ARHGAP15: variants seen among roughly 807,000 people sequenced by gnomAD.
ARHGAP15 encodes the protein rho GTPase-activating protein 15.
A neutral mutation model predicts 63.7 loss-of-function variants in ARHGAP15; 51 were observed. The observed-to-expected ratio is 0.80, with a 90% CI of 0.64 to 1.01. ARHGAP15 has a LOEUF of 1.01. ARHGAP15 is among the 50% of genes least tolerant of loss of function. The pLI is 0.00. For missense variants in ARHGAP15, 560 were observed against 564.6 expected (o/e 0.99, Z 0.08); for synonymous variants, 191 against 193.8 (o/e 0.99, Z 0.12).
At chr2:143,212,201 C>G (rs1370478740) in intron 3 of ARHGAP15, among the ~76,000 whole-genome samples, 1 of 152,138 alleles carries the variant, frequency 6.6e-6, no homozygotes, top group African/African-American at 2.4e-5. Flanking sequence ...ATGATTGTTA[C>G]CATTAATCAA....
At chr2:143,576,358 T>G (rs1222252110) in intron 11 of ARHGAP15, among the ~76,000 whole-genome samples, 1 of 152,140 alleles carries the variant, frequency 6.6e-6, no homozygotes, top group Non-Finnish European at 1.5e-5. Flanking sequence ...GATGGTTGTG[T>G]TAAGAAGGAT....
intron 6 of ARHGAP15, among the ~76,000 whole-genome samples, chr2:143,379,796 TA>T (rs1686985404): frequency 6.6e-6 from 1 of 151,964 alleles, no homozygotes; most frequent in Non-Finnish European, 1.5e-5. Context: ...AAATAATGAC[TA>T]TTTTTTTCAA....
intron 8 of ARHGAP15, among the ~76,000 whole-genome samples, chr2:143,459,508 T>G (rs1690825380): frequency 6.6e-6 from 1 of 152,174 alleles, no homozygotes; most frequent in Non-Finnish European, 1.5e-5. Context: ...ATCATAATCA[T>G]GTAGATATAA....
In ARHGAP15 at chr2:143,330,138, AC is replaced by A. The variant is rs1416852435; in HGVS notation, c.474+79539del. On this transcript the variant is annotated intron_variant, in intron 6 of 13. Coordinates refer to ENST00000295095, the MANE Select transcript of ARHGAP15 (RefSeq NM_018460.4). Reference sequence around the variant, plus strand: ...AAAAAAAAAAAAAAAAAAACCAAAAACAAAAAACTAAACTAATGATTAATAA... The same window carrying A: ...AAAAAAAAAAAAAAAAAAACCAAAAAAAAAAACTAAACTAATGATTAATAA... 2.1e-3 allele frequency among the ~76,000 whole-genome samples: 283 copies of A among 133,008 alleles called. 26 individuals carry two copies. Among genetic ancestry groups the A allele is most frequent in the Non-Finnish European group, 3.3e-3 (202 of 61,090 alleles). 87.3% of individuals were successfully genotyped at this position (133,008 alleles called of 152,430 possible).
chr2:143,394,815 G>GAGTTTTC (rs1193356488), intron 6 of ARHGAP15, among the ~76,000 whole-genome samples: 1 of 152,104 alleles, frequency 6.6e-6, no homozygotes, highest in African/African-American at 2.4e-5. Flanking sequence ...ATGATAAAAT[G>GAGTTTTC]AGTTTTCAGA....
At chr2:143,540,275 T>C (rs9798109) in intron 10 of ARHGAP15, among the ~76,000 whole-genome samples, 50,858 of 152,092 alleles carry the variant, frequency 0.33, 8,737 homozygotes, top group East Asian at 0.42. Context: ...TATATGTGTG[T>C]CTGCACGTGA....
intron 13 of ARHGAP15, among the ~76,000 whole-genome samples, chr2:143,716,037 G>A (rs929513634): frequency 6.6e-6 from 1 of 152,118 alleles, no homozygotes; most frequent in African/African-American, 2.4e-5. Context: ...TGGGAGGAAG[G>A]AGAGCATCAG....
chr2:143,352,896 TA>T (rs1245002729), intron 6 of ARHGAP15, among the ~76,000 whole-genome samples: 1 of 152,186 alleles, frequency 6.6e-6, no homozygotes, highest in East Asian at 1.9e-4. Context: ...AAATCTTTCT[TA>T]AAAAGTGTAC....
chr2:143,563,093 T>G (rs1475595303), intron 11 of ARHGAP15, among the ~76,000 whole-genome samples: 1 of 152,232 alleles, frequency 6.6e-6, no homozygotes, highest in African/African-American at 2.4e-5. Flanking sequence ...AGGATCGACC[T>G]CTTTATCTTG....
chr2:143,475,279 G>A (rs1691759072), intron 8 of ARHGAP15, among the ~76,000 whole-genome samples: 1 of 152,196 alleles, frequency 6.6e-6, no homozygotes, highest in Non-Finnish European at 1.5e-5. Flanking sequence ...CATTTGTGAG[G>A]ACAAACCACC....
intron 2 of ARHGAP15, 105 bp from the exon 3 acceptor site, chr2:143,202,029 A>T: frequency 1.2e-6 from 1 of 857,326 alleles, no homozygotes; most frequent in Non-Finnish European, 2.0e-6. Context: ...ATATCTACTT[A>T]ATTCACATGC....
chr2:143,636,071 C>T (rs1275945274), intron 12 of ARHGAP15, among the ~76,000 whole-genome samples: 3 of 152,106 alleles, frequency 2.0e-5, no homozygotes, highest in South Asian at 2.1e-4. Flanking sequence ...TGGCCCCTTT[C>T]CTTTTTCTTC....
At chr2:143,151,712 G>GA (rs1689829289) in intron 1 of ARHGAP15, among the ~76,000 whole-genome samples, 1 of 152,068 alleles carries the variant, frequency 6.6e-6, no homozygotes, top group East Asian at 1.9e-4. Flanking sequence ...GTCTACTAGA[G>GA]AAAAAACTGT....
intron 2 of ARHGAP15, among the ~76,000 whole-genome samples, chr2:143,164,940 A>G (rs896254819): frequency 6.6e-6 from 1 of 152,078 alleles, no homozygotes; most frequent in Non-Finnish European, 1.5e-5. Flanking sequence ...TTTGGAAATT[A>G]TAAAACAAAA....
At chr2:143,722,581 C>A (rs990409994) in intron 13 of ARHGAP15, among the ~76,000 whole-genome samples, 1 of 152,160 alleles carries the variant, frequency 6.6e-6, no homozygotes, top group Non-Finnish European at 1.5e-5. Flanking sequence ...CTTTGCAGTG[C>A]TACTAATGTA....
At chr2:143,460,002 G>C (rs1285158111) in intron 8 of ARHGAP15, among the ~76,000 whole-genome samples, 2 of 152,048 alleles carry the variant, frequency 1.3e-5, no homozygotes, top group Non-Finnish European at 2.9e-5. Flanking sequence ...CATAAAGTAA[G>C]GGCTCATTAA....
chr2:143,284,883 A>G (rs1407146908), intron 6 of ARHGAP15, among the ~76,000 whole-genome samples: 6 of 152,234 alleles, frequency 3.9e-5, no homozygotes, highest in African/African-American at 1.4e-4. Flanking sequence ...ATTTCAATGA[A>G]TATACAATAT....
intron 6 of ARHGAP15, among the ~76,000 whole-genome samples, chr2:143,307,164 G>A (rs971678412): frequency 1.3e-5 from 2 of 152,078 alleles, no homozygotes; most frequent in South Asian, 2.1e-4. Flanking sequence ...CTGGGGAAGG[G>A]CTTGATCATC....
Position 143,533,467 on chromosome 2 carries a change from C to A in ARHGAP15, c.925+14103C>A, listed in dbSNP as rs1443059590. On this transcript the variant is annotated intron_variant, in intron 10 of 13. Transcript: ENST00000295095. ...CTCTGATACTCTCCTTCTGGCACAC[C>A]TGCCTCAGAAATATCATTTATACTC... 2.6e-5 allele frequency: 4 copies of A among 152,280 alleles called. No homozygotes were observed. The East Asian group carries it at 7.8e-4, about 30-fold the overall frequency. 9.4% of individuals were successfully genotyped at this position (152,280 alleles called of 1,614,324 possible).
Sources: allele counts gnomAD v4.1 joint callset (sites outside exome capture counted in the v4.1 genomes callset), GRCh38; gene constraint gnomAD v4.1.1; transcripts MANE v1.5; gene names NCBI Gene and HGNC (gene_info 2026-07-23, HGNC 2026-07-21).